Variants in LINGO2 observed in about 807,000 individuals in gnomAD.
LINGO2 encodes the protein leucine rich repeat and Ig domain containing 2.
In LINGO2, 14 loss-of-function variants were observed where a neutral mutation model predicts 30.6. The ratio of observed to expected loss-of-function variants is 0.46; its 90% CI spans 0.30 to 0.72. LINGO2 has a LOEUF of 0.72. Among genes scored for constraint, LINGO2 ranks in the 30% least tolerant of loss-of-function variants. The pLI is 0.07. For synonymous variants in LINGO2, 317 were observed against 288.5 expected (o/e 1.10, Z -1.00); for missense variants, 729 against 751.7 (o/e 0.97, Z 0.35).
chr9:28,433,966 T>TATATATATATATATATATATAC (rs752778212), intron 2 of LINGO2, among the ~76,000 whole-genome samples: 1,120 of 98,476 alleles, frequency 0.011, 59 homozygotes, highest in Non-Finnish European at 0.018. Flanking sequence ...TATATATATA[T>TATATATATATATATATATATAC]ACACACACAC....
chr9:28,000,435 C>T (rs1283128472), intron 5 of LINGO2, among the ~76,000 whole-genome samples: 1 of 152,124 alleles, frequency 6.6e-6, no homozygotes. Context: ...TTCCTTCTGG[C>T]TCCTTCACTA....
chr9:29,139,803 C>T, the LINGO2 span, among the ~76,000 whole-genome samples: 13 of 151,812 alleles, frequency 8.6e-5, no homozygotes, highest in Admixed American at 6.6e-4. Context: ...TTTAAAATTC[C>T]GGCTTCTGAG....
chr9:27,982,493 C>A (rs1479324215), intron 5 of LINGO2, among the ~76,000 whole-genome samples: 2 of 151,824 alleles, frequency 1.3e-5, no homozygotes, highest in African/African-American at 4.8e-5. Flanking sequence ...TCCTACATAT[C>A]AGGTTCTAAG....
chr9:28,631,675 T>A (rs1219723390), intron 1 of LINGO2, among the ~76,000 whole-genome samples: 1 of 152,024 alleles, frequency 6.6e-6, no homozygotes, highest in Non-Finnish European at 1.5e-5. Context: ...AGTCCTTAGG[T>A]ACAGATGGCA....
intron 2 of LINGO2, among the ~76,000 whole-genome samples, chr9:28,441,999 T>C (rs1190400018): frequency 6.6e-6 from 1 of 152,184 alleles, no homozygotes. Flanking sequence ...TTTATTATTA[T>C]ATTTTAGAAA....
chr9:28,491,050 T>C (rs575566307), intron 1 of LINGO2, among the ~76,000 whole-genome samples: 2 of 152,194 alleles, frequency 1.3e-5, no homozygotes, highest in Non-Finnish European at 2.9e-5. Context: ...GTGGTTAACT[T>C]TGGAAAAGTG....
chr9:28,902,854 C>T, the LINGO2 span, among the ~76,000 whole-genome samples: 2 of 150,804 alleles, frequency 1.3e-5, no homozygotes, highest in Non-Finnish European at 1.5e-5. Flanking sequence ...ATAAAATATA[C>T]CAAAATAGAG....
chr9:29,022,810 CT>C, the LINGO2 span, among the ~76,000 whole-genome samples: 1 of 152,068 alleles, frequency 6.6e-6, no homozygotes, highest in Non-Finnish European at 1.5e-5. Context: ...TATAACAGCA[CT>C]TATCAAGGCA....
chr9:28,771,417 CCT>C, the LINGO2 span, among the ~76,000 whole-genome samples: 355 of 149,986 alleles, frequency 2.4e-3, 2 homozygotes, highest in African/African-American at 7.6e-3. Context: ...AAATTCTCCC[CCT>C]GTCTCCTTTC....
the LINGO2 span, among the ~76,000 whole-genome samples, chr9:28,882,782 G>A: frequency 6.6e-6 from 1 of 152,054 alleles, no homozygotes; most frequent in Non-Finnish European, 1.5e-5. Context: ...ATCCTTTGCT[G>A]CTGATACTCA....
the LINGO2 span, among the ~76,000 whole-genome samples, chr9:28,754,691 T>C: frequency 3.3e-5 from 5 of 151,382 alleles, no homozygotes; most frequent in African/African-American, 4.9e-5. Context: ...AGTGCAGTAA[T>C]GTGATCTCAG....
At chr9:28,917,791 A>G in the LINGO2 span, among the ~76,000 whole-genome samples, 45 of 152,220 alleles carry the variant, frequency 3.0e-4, no homozygotes, top group African/African-American at 9.6e-4. Context: ...CAAATGACAG[A>G]AAGTTGGGAA....
chr9:28,820,351 G>T, the LINGO2 span, among the ~76,000 whole-genome samples: 1 of 151,874 alleles, frequency 6.6e-6, no homozygotes, highest in African/African-American at 2.4e-5. Flanking sequence ...ACAGAAAAAA[G>T]ATGACAAAAA....
At chr9:28,210,333 TA>T (rs1820545442) in intron 4 of LINGO2, among the ~76,000 whole-genome samples, 1 of 151,608 alleles carries the variant, frequency 6.6e-6, no homozygotes, top group Non-Finnish European at 1.5e-5. Context: ...AAGTAGAACC[TA>T]ATAAAGTAAT....
At chr9:28,666,607 C>T (rs934178308) in intron 1 of LINGO2, among the ~76,000 whole-genome samples, 1 of 152,192 alleles carries the variant, frequency 6.6e-6, no homozygotes. Flanking sequence ...TGAAATCACT[C>T]TTTCCTACCA....
chr9:28,557,454 C>T (rs1822780155), intron 1 of LINGO2, among the ~76,000 whole-genome samples: 1 of 152,092 alleles, frequency 6.6e-6, no homozygotes, highest in South Asian at 2.1e-4. Context: ...GAGATACCAT[C>T]TCACACCAGT....
chr9:28,024,522 T>C (rs1823283570), intron 4 of LINGO2, among the ~76,000 whole-genome samples: 1 of 152,206 alleles, frequency 6.6e-6, no homozygotes. Flanking sequence ...ACAGGGCCAG[T>C]AGCAGAGAGC....
At chr9:28,165,439 T>C (rs1564012401) in intron 4 of LINGO2, among the ~76,000 whole-genome samples, 1 of 152,144 alleles carries the variant, frequency 6.6e-6, no homozygotes, top group Non-Finnish European at 1.5e-5. Context: ...TCCCAGGTTT[T>C]ACATAAAAGA....
the LINGO2 span, among the ~76,000 whole-genome samples, chr9:28,839,569 A>T: frequency 4.3e-4 from 65 of 152,158 alleles, no homozygotes; most frequent in African/African-American, 1.5e-3. Flanking sequence ...CTGAGAGGAG[A>T]CCCACAATGG....
Sources: gnomAD v4.1 joint callset for allele counts (sites outside exome capture counted in the v4.1 genomes callset) on GRCh38, gnomAD v4.1.1 for gene constraint, MANE v1.5 for transcripts, NCBI Gene and HGNC (gene_info 2026-07-23, HGNC 2026-07-21) for gene names.